SULT1C2: variants seen among roughly 807,000 people sequenced by gnomAD.
SULT1C2 encodes the protein sulfotransferase 1C2.
Under a neutral mutation model 36.0 loss-of-function variants are expected in SULT1C2, and 27 were observed. That is an observed-to-expected ratio of 0.75 (90% confidence interval 0.55 to 1.03). The LOEUF (loss-of-function observed/expected upper bound fraction) is 1.03, where lower values mean the gene tolerates loss of function less well. Ranked by LOEUF, SULT1C2 falls within the 50% of genes least tolerant of loss-of-function variation. SULT1C2 has a pLI of 0.00. For missense variants in SULT1C2, 395 were observed against 359.2 expected (o/e 1.10, Z -0.80); for synonymous variants, 121 against 116.0 (o/e 1.04, Z -0.27).
intron 5 of SULT1C2, 116 bp downstream of exon 5, chr2:108,304,816 A>T: frequency 7.2e-7 from 1 of 1,393,478 alleles, no homozygotes; most frequent in Non-Finnish European, 9.7e-7. Context: ...GTGTCCTACC[A>T]CAGACTGGGA....
At chr2:108,305,100 G>A in intron 5 of SULT1C2, 72 bp from the exon 6 acceptor site, 1 of 1,566,858 alleles carries the variant, frequency 6.4e-7, no homozygotes, top group African/African-American at 1.4e-5. Context: ...CTCACTTCAG[G>A]AAAATCCCTA....
intron 3 of SULT1C2, among the ~76,000 whole-genome samples, chr2:108,297,716 G>T (rs1411288992): frequency 2.6e-5 from 4 of 152,074 alleles, no homozygotes; most frequent in African/African-American, 7.2e-5. Flanking sequence ...GGTGTGGGGG[G>T]GCAGAATGTA....
rs200533782 is a variant in SULT1C2, at chr2:108,294,766, T to TCA, written c.277+421_277+422dup. On this transcript the variant is annotated intron_variant, in intron 3 of 7. Transcript: ENST00000251481. ...AGGAGGGTATCCAAGAATCGATAAT[T>TCA]CACACACACATACACACACACACAC... is the stretch of plus-strand genomic sequence containing the variant. 4.3e-3 allele frequency among the ~76,000 whole-genome samples: 650 copies of TCA among 151,828 alleles called. 6 individuals carry two copies. Among genetic ancestry groups the TCA allele is most frequent in the African/African-American group, 0.015 (635 of 41,376 alleles).
chr2:108,307,180 A>G (rs1178777766), intron 7 of SULT1C2, among the ~76,000 whole-genome samples: 1 of 152,222 alleles, frequency 6.6e-6, no homozygotes, highest in Non-Finnish European at 1.5e-5. Flanking sequence ...ACAAACCAAA[A>G]TATTCTACCC....
chr2:108,305,740 A>T, intron 7 of SULT1C2, 145 bp downstream of exon 7: 1 of 1,078,294 alleles, frequency 9.3e-7, no homozygotes, highest in Non-Finnish European at 1.3e-6. Context: ...CAGGGATTTG[A>T]TCCTGTTGTA....
chr2:108,300,651 A>G, intron 3 of SULT1C2, 187 bp from the exon 4 acceptor site: 2 of 960,280 alleles, frequency 2.1e-6, no homozygotes, highest in Admixed American at 3.2e-5. Flanking sequence ...CCCATCCAGG[A>G]CTCAAGCTGT....
intron 3 of SULT1C2, among the ~76,000 whole-genome samples, chr2:108,295,714 A>G (rs1178053863): frequency 6.6e-6 from 1 of 152,244 alleles, no homozygotes; most frequent in Non-Finnish European, 1.5e-5. Flanking sequence ...CTCAGAGGAT[A>G]CTATCTACGT....
At chr2:108,303,054 A>G (rs1676921422) in intron 4 of SULT1C2, 1 of 152,244 alleles carries the variant, frequency 6.6e-6, no homozygotes, top group South Asian at 2.1e-4. Context: ...AATTTTTTAA[A>G]TCAGCATTTC....
intron 7 of SULT1C2, 153 bp downstream of exon 7, chr2:108,305,748 G>T: frequency 1.0e-6 from 1 of 964,176 alleles, no homozygotes; most frequent in Non-Finnish European, 1.5e-6. Flanking sequence ...TGATCCTGTT[G>T]TAGAAGAGAG....
intron 2 of SULT1C2, 129 bp downstream of exon 2, chr2:108,293,947 G>A (rs1676659279): frequency 4.3e-6 from 6 of 1,386,776 alleles, no homozygotes; most frequent in Non-Finnish European, 3.8e-6. Context: ...GGAGCTCAGG[G>A]CTCACACAGG....
In SULT1C2 at chr2:108,305,173, G is replaced by A; in HGVS notation, c.504G>A (p.Val168=). ...TTCTGTTTCCTGTGTCTATTTCAGT[G>A]GTTTGGGGTTCCTGGTTTGACCACG... ...EYFETFINGK[V]VWGSWFDHVK... The change falls in exon 6 of 8, where the codon GTG becomes GTA. Residue 168 remains valine, a splice_region_variant and synonymous_variant. Transcript: ENST00000251481. 1 of 1,614,128 alleles carries A rather than the reference G, an allele frequency of 6.2e-7. No individual in the cohort carries two copies. The highest frequency in any genetic ancestry group is 1.1e-5 in the South Asian group (1 of 91,074).
intron 1 of SULT1C2, among the ~76,000 whole-genome samples, chr2:108,292,514 T>C (rs944881746): frequency 6.6e-6 from 1 of 151,686 alleles, no homozygotes; most frequent in African/African-American, 2.4e-5. Context: ...TCAACATCAT[T>C]AGACATTAGG....
rs1573244246 is a variant in SULT1C2, at chr2:108,293,821, G to A, written c.151+3G>A. On this transcript the variant is annotated splice_donor_region_variant and intron_variant, in intron 2 of 7. Transcript: ENST00000251481. ...CATCTGCACCTACCCTAAAGCAGGTGATTGCAGGGTAGGAGGGACAGCAAA... is the reference window on the plus strand; with the variant it reads ...CATCTGCACCTACCCTAAAGCAGGTAATTGCAGGGTAGGAGGGACAGCAAA... 7 of 1,613,552 alleles carry A rather than the reference G, an allele frequency of 4.3e-6. No homozygotes were observed. In the East Asian group the frequency reaches 1.3e-4, roughly 31 times the overall value.
chr2:108,295,656 G>A (rs1676706434), intron 3 of SULT1C2, among the ~76,000 whole-genome samples: 1 of 152,204 alleles, frequency 6.6e-6, no homozygotes, highest in South Asian at 2.1e-4. Context: ...GTTGTTGTGA[G>A]CATTAACAAA....
chr2:108,289,844 A>T (rs1037911933), intron 1 of SULT1C2, among the ~76,000 whole-genome samples: 1 of 152,138 alleles, frequency 6.6e-6, no homozygotes, highest in Admixed American at 6.5e-5. Flanking sequence ...CTCTTGCTGC[A>T]TCTCCTTCTC....
chr2:108,305,758 G>A (rs2104424386), intron 7 of SULT1C2, 163 bp downstream of exon 7: 1 of 880,526 alleles, frequency 1.1e-6, no homozygotes, highest in Non-Finnish European at 1.7e-6. Context: ...GTAGAAGAGA[G>A]CTTTCTAGGG....
chr2:108,300,936 G>T lies in SULT1C2; in HGVS notation c.375+1G>T. ...GTCTTTCTGGGAAAACAACTGCAAG[G>T]TAAGATACCAACAGCTCCCTGTGAC... On this transcript the variant is annotated splice_donor_variant, in intron 4 of 7. Coordinates refer to ENST00000251481, the MANE Select transcript of SULT1C2 (RefSeq NM_001056.4). LOFTEE classifies it high-confidence loss of function. 1 of 1,614,044 alleles carries T rather than the reference G, an allele frequency of 6.2e-7. No homozygotes were observed. Among genetic ancestry groups the T allele is most frequent in the Non-Finnish European group, 8.5e-7 (1 of 1,179,972 alleles).
At chr2:108,290,511 T>C (rs1676564895) in intron 1 of SULT1C2, among the ~76,000 whole-genome samples, 1 of 152,218 alleles carries the variant, frequency 6.6e-6, no homozygotes, top group African/African-American at 2.4e-5. Context: ...TACCTGAGGC[T>C]GGGTAATTTA....
chr2:108,297,804 TG>T (rs1676773483), intron 3 of SULT1C2, among the ~76,000 whole-genome samples: 2 of 143,800 alleles, frequency 1.4e-5, no homozygotes, highest in African/African-American at 4.9e-5. Context: ...ATCTCTCTCC[TG>T]TAGGGGTTTT....
Sources: gnomAD v4.1 joint callset for allele counts (sites outside exome capture counted in the v4.1 genomes callset) on GRCh38, gnomAD v4.1.1 for gene constraint, MANE v1.5 for transcripts, NCBI Gene and HGNC (gene_info 2026-07-23, HGNC 2026-07-21) for gene names.